CEP152: variants seen among roughly 807,000 people sequenced by gnomAD.
The protein encoded by CEP152 is centrosomal protein of 152 kDa.
A neutral mutation model predicts 188.9 loss-of-function variants in CEP152; 132 were observed. That is an observed-to-expected ratio of 0.70 (90% confidence interval 0.61 to 0.81). The LOEUF is 0.81. Ranked by LOEUF, CEP152 falls within the 30% of genes least tolerant of loss-of-function variation. CEP152 has a pLI of 0.00. For synonymous variants in CEP152, 649 were observed against 666.6 expected, an observed-to-expected ratio of 0.97 and a Z score of 0.41; for missense variants, 1,914 against 1,969.8, an observed-to-expected ratio of 0.97 and a Z score of 0.54.
At position 48,740,987 on chromosome 15, in the gene CEP152, C is replaced by T. The variant is rs574790070; in HGVS notation, c.4093+614G>A. ...TCTATTTCTCCTGGAACATATCACC[C>T]TCATATGTGGAACAGTTTTGATATT... On this transcript the variant is annotated intron_variant, in intron 26 of 26. Coordinates refer to ENST00000380950, the MANE Select transcript of CEP152 (RefSeq NM_001194998.2). 197 of 959,698 alleles carry T rather than the reference C, an allele frequency of 2.1e-4. 2 individuals carry two copies. In the South Asian group the frequency reaches 7.7e-3, roughly 37 times the overall value. 59.4% of individuals were successfully genotyped at this position (959,698 alleles called of 1,614,324 possible).
Position 48,788,898 on chromosome 15 carries a change from T to C in CEP152, c.1076A>G (p.His359Arg), listed in dbSNP as rs1301526123. 3.1e-6 allele frequency: 5 copies of C among 1,614,214 alleles called. No individual in the cohort carries two copies. The highest frequency in any genetic ancestry group is 4.2e-6 in the Non-Finnish European group (5 of 1,180,030). ...TGTGAGGCCCATAACAATGCTCTCATGCTGTTCTCTAGCTCGTTGAAGTGA... is the reference window on the plus strand; with the variant it reads ...TGTGAGGCCCATAACAATGCTCTCACGCTGTTCTCTAGCTCGTTGAAGTGA... ...SESLQRAREQ[H>R]ESIVMGLTKK... The change falls in exon 9 of 27, where the codon CAT (histidine) becomes CGT (arginine). Residue 359 changes from histidine (H) to arginine (R), a missense_variant. Physicochemically the swap from His to Arg is conservative, Grantham distance 29. Coordinates refer to ENST00000380950, the MANE Select transcript of CEP152 (RefSeq NM_001194998.2).
intron 1 of CEP152, among the ~76,000 whole-genome samples, chr15:48,807,911 G>GAC (rs1186435234): frequency 1.0e-5 from 1 of 98,788 alleles, no homozygotes; most frequent in Non-Finnish European, 2.2e-5. Flanking sequence ...TTTTTAAAGA[G>GAC]AATGTAAAAT....
chr15:48,744,069 T>A (rs566219814), intron 24 of CEP152, among the ~76,000 whole-genome samples, 171 bp downstream of exon 24: 76 of 152,270 alleles, frequency 5.0e-4, no homozygotes, highest in South Asian at 2.5e-3. Flanking sequence ...GGAAAAATGA[T>A]CAATGACTAC....
chr15:48,786,509 A>G (rs1896644521), intron 9 of CEP152, among the ~76,000 whole-genome samples: 1 of 152,252 alleles, frequency 6.6e-6, no homozygotes, highest in Non-Finnish European at 1.5e-5. Context: ...TATACTAATT[A>G]CAGACATTTT....
chr15:48,739,212 A>C lies in CEP152; in HGVS notation c.4170T>G (p.Cys1390Trp), dbSNP rs1385635899. ...KRNDVNQKIP[C>W]CIESKSNSVN... is the part of the protein sequence containing the mutation. ...CACTATTTGATTTGCTTTCAATACA[A>C]CATGGTATTTTCTGATTCACATCAT... Residue 1390 changes from cysteine to tryptophan, a missense_variant, in exon 27 of 27, where the codon TGT (cysteine) becomes TGG (tryptophan). By Grantham distance (215) the Cys-to-Trp change is radical. Transcript: ENST00000380950. The C allele has an allele frequency of 3.1e-6, 5 of 1,613,092 alleles. No homozygotes were observed. The East Asian group carries it at 1.1e-4, about 36-fold the overall frequency.
At chr15:48,755,627 G>T (rs1002519960) in intron 20 of CEP152, among the ~76,000 whole-genome samples, 3 of 151,966 alleles carry the variant, frequency 2.0e-5, no homozygotes, top group African/African-American at 7.2e-5. Flanking sequence ...TTTAGGCCCC[G>T]CATGCATTAG....
chr15:48,739,116 C>A lies in CEP152; in HGVS notation c.4266G>T (p.Leu1422=). The A allele has an allele frequency of 6.2e-7, 1 of 1,614,188 alleles. No individual in the cohort carries two copies. Among genetic ancestry groups the A allele is most frequent in the African/African-American group, 1.3e-5 (1 of 75,056 alleles). ...KRRAACNLQR[L]LENSEHQSIK... ...TGCTCTGATGCTCTGAGTTCTCTAA[C>A]AGCCTTTGTAAGTTACAAGCTGCCC... Residue 1422 remains leucine (L), a synonymous_variant, in exon 27 of 27, where the codon CTG becomes CTT. Coordinates refer to ENST00000380950, the MANE Select transcript of CEP152 (RefSeq NM_001194998.2).
intron 2 of CEP152, among the ~76,000 whole-genome samples, chr15:48,802,394 C>T (rs769704554): frequency 6.6e-6 from 1 of 152,090 alleles, no homozygotes; most frequent in Non-Finnish European, 1.5e-5. Context: ...TATTAACTGA[C>T]GATACATATC....
rs772641339 is a variant in CEP152, at chr15:48,788,934, T to C, written c.1040A>G (p.His347Arg). 2 of 1,614,208 alleles carry C rather than the reference T, an allele frequency of 1.2e-6. No individual in the cohort carries two copies. Among genetic ancestry groups the C allele is most frequent in the East Asian group, 2.2e-5 (1 of 44,882 alleles). The change falls in exon 9 of 27, where the codon CAT (histidine) becomes CGT (arginine). Residue 347 changes from histidine to arginine, a missense_variant. By Grantham distance (29) the His-to-Arg change is conservative. Transcript: ENST00000380950. ...AGCTCGTTGAAGTGATTCAGAATGATGAAGGTCCACCAGCTGCTGCTTCAA... is the reference window on the plus strand; with the variant it reads ...AGCTCGTTGAAGTGATTCAGAATGACGAAGGTCCACCAGCTGCTGCTTCAA... ...ESLKQQLVDLHHSESLQRARE... is the reference protein window; with the variant it reads ...ESLKQQLVDLRHSESLQRARE...
chr15:48,766,921 G>C (rs1329423990), intron 17 of CEP152, 139 bp downstream of exon 17: 1 of 1,073,444 alleles, frequency 9.3e-7, no homozygotes, highest in Non-Finnish European at 1.4e-6. Flanking sequence ...AGCTATATGA[G>C]TGTGATACAG....
intron 9 of CEP152, among the ~76,000 whole-genome samples, chr15:48,785,850 T>C (rs1896588315): frequency 6.8e-6 from 1 of 146,678 alleles, no homozygotes; most frequent in Admixed American, 7.0e-5. Flanking sequence ...ACAAGTGTAA[T>C]GATAAAGAGA....
At chr15:48,780,130 T>C (rs1896153708) in intron 12 of CEP152, among the ~76,000 whole-genome samples, 2 of 152,184 alleles carry the variant, frequency 1.3e-5, no homozygotes, top group African/African-American at 4.8e-5. Flanking sequence ...TCTAAGTCAA[T>C]ATGGTCCTGG....
In CEP152 at chr15:48,797,347, G is replaced by C. The variant is rs755941056; in HGVS notation, c.494C>G (p.Ala165Gly). 29 of 1,614,024 alleles carry C rather than the reference G, an allele frequency of 1.8e-5. No individual in the cohort carries two copies. The highest frequency in any genetic ancestry group is 2.4e-5 in the Non-Finnish European group (28 of 1,179,976). The part of the protein sequence containing the change: ...NGQKQEFNNQ[A>G]TNVIKFSDPQ... ...ATCTGAAAATTTAATTACATTGGTT[G>C]CTTGGTTATTAAATTCCTGCTTCTG... The change falls in exon 5 of 27, where the codon GCA (alanine) becomes GGA (glycine). Residue 165 changes from alanine to glycine, a missense_variant. By Grantham distance (60) the Ala-to-Gly change is moderately conservative. Transcript: ENST00000380950.
chr15:48,776,943 G>A (rs1317683332), intron 12 of CEP152, among the ~76,000 whole-genome samples: 3 of 151,896 alleles, frequency 2.0e-5, no homozygotes, highest in Non-Finnish European at 4.4e-5. Flanking sequence ...CCCTTAAGAT[G>A]AGGTGATGAA....
chr15:48,802,670 G>A (rs78191328), intron 2 of CEP152, among the ~76,000 whole-genome samples: 4,717 of 151,736 alleles, frequency 0.031, 280 homozygotes, highest in East Asian at 0.15. Flanking sequence ...GATGGTCTCT[G>A]GCTTGAGATC....
chr15:48,738,185 T>C lies in CEP152; in HGVS notation c.*64A>G. ...AGGCAGGGCTCACAATTTTTTTCAGTATGAGGTCTTCCCTTCCATTTTTGT... is the reference window on the plus strand; with the variant it reads ...AGGCAGGGCTCACAATTTTTTTCAGCATGAGGTCTTCCCTTCCATTTTTGT... On this transcript the variant is annotated 3_prime_UTR_variant, in exon 27 of 27. Coordinates refer to ENST00000380950, the MANE Select transcript of CEP152 (RefSeq NM_001194998.2). 1.3e-6 allele frequency: 2 copies of C among 1,499,372 alleles called. No individual in the cohort carries two copies. The highest frequency in any genetic ancestry group is 1.3e-5 in the South Asian group (1 of 77,248). The allele number at this position is 1,499,372 out of a possible 1,614,324, so 92.9% of individuals were successfully genotyped here.
intron 12 of CEP152, among the ~76,000 whole-genome samples, chr15:48,776,922 G>T (rs1895955199): frequency 4.0e-5 from 6 of 151,892 alleles, no homozygotes; most frequent in African/African-American, 1.4e-4. Context: ...ATAAACAGTT[G>T]ACAGTATCTG....
chr15:48,760,841 T>G (rs898552161), intron 18 of CEP152, among the ~76,000 whole-genome samples: 1 of 152,074 alleles, frequency 6.6e-6, no homozygotes, highest in African/African-American at 2.4e-5. Flanking sequence ...ACCAGAAGAT[T>G]ATGTTAAATA....
chr15:48,769,120 A>G, intron 13 of CEP152, 39 bp from the exon 14 acceptor site: 1 of 1,543,134 alleles, frequency 6.5e-7, no homozygotes, highest in Non-Finnish European at 8.9e-7. Flanking sequence ...AAGTTTTAAA[A>G]AATTCTAAGT....
Sources: gnomAD v4.1 joint callset for allele counts (sites outside exome capture counted in the v4.1 genomes callset) on GRCh38, gnomAD v4.1.1 for gene constraint, MANE v1.5 for transcripts, NCBI Gene and HGNC (gene_info 2026-07-23, HGNC 2026-07-21) for gene names.